UBTD2: variants seen among roughly 807,000 people sequenced by gnomAD.
UBTD2 encodes ubiquitin domain-containing protein 2.
In UBTD2, 9 loss-of-function variants were observed where a neutral mutation model predicts 19.8. The ratio of observed to expected loss-of-function variants is 0.46; its 90% CI spans 0.27 to 0.79. UBTD2 has a LOEUF of 0.79. Ranked by LOEUF, UBTD2 falls within the 30% of genes least tolerant of loss-of-function variation. The pLI, the probability that UBTD2 is intolerant of heterozygous loss-of-function variation, is 0.14. For missense variants in UBTD2, 250 were observed against 300.4 expected (o/e 0.83, Z 1.24); for synonymous variants, 98 against 103.9 (o/e 0.94, Z 0.35).
At chr5:172,259,370 T>A (rs1755221681) in intron 1 of UBTD2, among the ~76,000 whole-genome samples, 1 of 152,042 alleles carries the variant, frequency 6.6e-6, no homozygotes, top group South Asian at 2.1e-4. Context: ...CTTGAACTCC[T>A]GACCTCATGA....
At chr5:172,257,745 T>C (rs1755185811) in intron 1 of UBTD2, among the ~76,000 whole-genome samples, 1 of 152,246 alleles carries the variant, frequency 6.6e-6, no homozygotes, top group South Asian at 2.1e-4. Flanking sequence ...AAGTCATGAT[T>C]TACGTTTCTC....
At chr5:172,248,784 A>G (rs1325817907) in intron 1 of UBTD2, among the ~76,000 whole-genome samples, 1 of 151,764 alleles carries the variant, frequency 6.6e-6, no homozygotes, top group Non-Finnish European at 1.5e-5. Flanking sequence ...AAATTAATTA[A>G]AAAGATTAGT....
At chr5:172,259,418 G>A (rs907405913) in intron 1 of UBTD2, among the ~76,000 whole-genome samples, 5 of 152,064 alleles carry the variant, frequency 3.3e-5, no homozygotes, top group Admixed American at 3.3e-4. Context: ...TGGGATTACA[G>A]GAGTGAGCCA....
At chr5:172,257,072 AATT>A (rs2113086112) in intron 1 of UBTD2, among the ~76,000 whole-genome samples, 1 of 152,080 alleles carries the variant, frequency 6.6e-6, no homozygotes, top group South Asian at 2.1e-4. Flanking sequence ...TTGGAGTACA[AATT>A]ATTATGTCAC....
chr5:172,279,732 A>G (rs1186518854), intron 1 of UBTD2, among the ~76,000 whole-genome samples: 2 of 152,266 alleles, frequency 1.3e-5, no homozygotes, highest in African/African-American at 4.8e-5. Flanking sequence ...TCAAAAAATC[A>G]TAAAGGATTT....
At chr5:172,256,967 C>G (rs968475361) in intron 1 of UBTD2, among the ~76,000 whole-genome samples, 3 of 152,146 alleles carry the variant, frequency 2.0e-5, no homozygotes, top group African/African-American at 7.2e-5. Context: ...TTTCTTCCTT[C>G]TTGATGAATT....
At chr5:172,260,975 C>G (rs753063099) in intron 1 of UBTD2, among the ~76,000 whole-genome samples, 1 of 152,138 alleles carries the variant, frequency 6.6e-6, no homozygotes, top group Non-Finnish European at 1.5e-5. Context: ...AGCAATACAA[C>G]AATGATCAAA....
chr5:172,220,956 G>A (rs958284797), intron 2 of UBTD2, among the ~76,000 whole-genome samples: 2 of 152,158 alleles, frequency 1.3e-5, no homozygotes, highest in Non-Finnish European at 2.9e-5. Flanking sequence ...AAAGTCAACT[G>A]CTCTCCTATA....
chr5:172,229,200 G>C (rs1254215630), intron 2 of UBTD2, among the ~76,000 whole-genome samples: 1 of 151,934 alleles, frequency 6.6e-6, no homozygotes, highest in Non-Finnish European at 1.5e-5. Flanking sequence ...TATTCAAGGA[G>C]GTTAAGAGGA....
intron 2 of UBTD2, among the ~76,000 whole-genome samples, chr5:172,217,548 A>T (rs1000367752): frequency 6.6e-6 from 1 of 152,014 alleles, no homozygotes; most frequent in Non-Finnish European, 1.5e-5. Context: ...CACTGGTGTG[A>T]TCACAGCTCA....
At chr5:172,240,601 C>T (rs1384240554) in intron 1 of UBTD2, among the ~76,000 whole-genome samples, 13 of 152,080 alleles carry the variant, frequency 8.5e-5, no homozygotes, top group East Asian at 1.9e-4. Flanking sequence ...TAACACCTAC[C>T]GCAACATAGT....
intron 1 of UBTD2, among the ~76,000 whole-genome samples, chr5:172,238,308 C>A (rs887948051): frequency 7.2e-5 from 11 of 152,292 alleles, no homozygotes; most frequent in Non-Finnish European, 1.3e-4. Flanking sequence ...CAGGAAACAT[C>A]TTTTATTCCC....
intron 1 of UBTD2, among the ~76,000 whole-genome samples, chr5:172,251,562 TAGC>T (rs1412406729): frequency 3.4e-5 from 5 of 148,848 alleles, no homozygotes; most frequent in African/African-American, 1.2e-4. Flanking sequence ...CCAATATGGC[TAGC>T]AGCAGATTTC....
chr5:172,251,025 C>G (rs1754995152), intron 1 of UBTD2, among the ~76,000 whole-genome samples: 1 of 150,616 alleles, frequency 6.6e-6, no homozygotes, highest in Non-Finnish European at 1.5e-5. Flanking sequence ...TAGAAAATAG[C>G]CACTAAAGGC....
Position 172,210,407 on chromosome 5 carries a change from A to G in UBTD2, c.*1423T>C, listed in dbSNP as rs1561846325. On this transcript the variant is annotated 3_prime_UTR_variant, in exon 3 of 3. Transcript: ENST00000393792. ...CTTCTTGTCTGTACTTTTCCATCTC[A>G]TGGATTCTCAGGGGCACAGTGGTCA... 6.6e-6 allele frequency: 1 copy of G among 152,136 alleles called. No individual in the cohort carries two copies. The highest frequency in any genetic ancestry group is 1.5e-5 in the Non-Finnish European group (1 of 68,000). 9.4% of individuals were successfully genotyped at this position (152,136 alleles called of 1,614,324 possible). A position where few individuals can be genotyped will look rare whatever the true frequency, so the allele number is the denominator to read the frequency against.
chr5:172,216,315 GAGA>G (rs933497724), intron 2 of UBTD2, among the ~76,000 whole-genome samples: 2 of 151,942 alleles, frequency 1.3e-5, no homozygotes, highest in Non-Finnish European at 2.9e-5. Flanking sequence ...GGGAACAGCA[GAGA>G]AGAACAAGAG....
At chr5:172,271,374 A>G (rs1294954495) in intron 1 of UBTD2, among the ~76,000 whole-genome samples, 1 of 150,470 alleles carries the variant, frequency 6.6e-6, no homozygotes, top group African/African-American at 2.4e-5. Flanking sequence ...TCTTGCCGTG[A>G]GCCGAGATCG....
rs1304545682 is a variant in UBTD2, at chr5:172,283,492, CA to C, written c.70+103del. The C allele has an allele frequency of 2.1e-6, 2 of 935,652 alleles. No individual in the cohort carries two copies. The highest frequency in any genetic ancestry group is 1.4e-6 in the Non-Finnish European group (1 of 721,276). The allele number at this position is 935,652 out of a possible 1,614,324, so 58.0% of individuals were successfully genotyped here. A position where few individuals can be genotyped will look rare whatever the true frequency, so the allele number is the denominator to read the frequency against. ...GGGAATGACGTGGAAGAGGGGATGA[CA>C]AAGGGGCGCGGGGGCCCGGCGCGGC... On this transcript the variant is annotated intron_variant, in intron 1 of 2. Transcript: ENST00000393792. The surrounding 1 kb of genome is among the most constrained non-coding windows in gnomAD (Gnocchi z 4.3).
At position 172,234,053 on chromosome 5, in the gene UBTD2, A is replaced by G; in HGVS notation, c.307+69T>C. 2.0e-6 allele frequency: 3 copies of G among 1,512,140 alleles called. No homozygotes were observed. In the South Asian group the frequency reaches 3.4e-5, roughly 17 times the overall value. 93.7% of individuals were successfully genotyped at this position (1,512,140 alleles called of 1,614,324 possible). ...TCATAGCAAGGAAAAACACTCTCCC[A>G]TTTGGTTTCTTGCTATCAGAAACAA... On this transcript the variant is annotated intron_variant, in intron 2 of 2. Transcript: ENST00000393792.
Sources: allele counts gnomAD v4.1 joint callset (sites outside exome capture counted in the v4.1 genomes callset), GRCh38; gene constraint gnomAD v4.1.1; non-coding constraint Gnocchi (gnomAD v3.1); transcripts MANE v1.5; gene names NCBI Gene and HGNC (gene_info 2026-07-23, HGNC 2026-07-21).